The following DYM variants were observed in gnomAD, a reference collection of about 807,000 sequenced individuals.
The protein encoded by DYM is dymeclin, also known as dyggve-Melchior-Clausen syndrome protein.
DYM carries 78 observed loss-of-function variants against 93.1 expected under a neutral mutation model. The ratio of observed to expected loss-of-function variants is 0.84; its 90% confidence interval spans 0.70 to 1.01. The LOEUF (loss-of-function observed/expected upper bound fraction) is 1.01. Ranked by LOEUF, DYM falls within the 50% of genes least tolerant of loss-of-function variation. The pLI is 0.00. For synonymous variants in DYM, 321 were observed against 319.7 expected, an observed-to-expected ratio of 1.00 and a Z score of -0.04; for missense variants, 789 against 845.0, an observed-to-expected ratio of 0.93 and a Z score of 0.82.
At chr18:49,248,279 G>C (rs748896236) in intron 13 of DYM, among the ~76,000 whole-genome samples, 1 of 152,052 alleles carries the variant, frequency 6.6e-6, no homozygotes, top group African/African-American at 2.4e-5. Context: ...AAATCCATTG[G>C]GCAGGGAATC....
intron 14 of DYM, among the ~76,000 whole-genome samples, chr18:49,197,994 C>A (rs1226148539): frequency 6.6e-6 from 1 of 152,182 alleles, no homozygotes; most frequent in East Asian, 1.9e-4. Context: ...TACAAGGCTA[C>A]AGTAACCAAA....
At chr18:49,378,754 TTATTTC>T in intron 4 of DYM, 54 bp from the exon 5 acceptor site, 1 of 1,580,648 alleles carries the variant, frequency 6.3e-7, no homozygotes, top group Non-Finnish European at 8.7e-7. Flanking sequence ...GCACCATAGT[TTATTTC>T]TAGTTCATGA....
Position 49,038,204 on chromosome 18 carries a change from A to G in DYM, c.*5851T>C, listed in dbSNP as rs1401182160. 6.6e-6 allele frequency among the ~76,000 whole-genome samples: 1 copy of G among 152,168 alleles called. No homozygotes were observed. On this transcript the variant is annotated 3_prime_UTR_variant, in exon 18 of 18. Coordinates refer to ENST00000675505, the MANE Select transcript of DYM (RefSeq NM_001353214.3). The stretch of plus-strand genomic sequence containing the variant: ...AGTATGTTATTGAGTTTGGTGTCCT[A>G]CATACATCCGTTTGGTTTGCTCATT...
At chr18:49,200,979 T>C (rs761625292) in intron 14 of DYM, among the ~76,000 whole-genome samples, 1 of 152,192 alleles carries the variant, frequency 6.6e-6, no homozygotes, top group Non-Finnish European at 1.5e-5. Flanking sequence ...TTGCATTGTA[T>C]GGCTGGAAAA....
chr18:49,189,419 T>C (rs1195452268), intron 14 of DYM, among the ~76,000 whole-genome samples: 2 of 152,294 alleles, frequency 1.3e-5, no homozygotes, highest in East Asian at 3.9e-4. Context: ...AAATGGCATA[T>C]GGAGCACTGG....
intron 3 of DYM, among the ~76,000 whole-genome samples, chr18:49,381,291 C>A (rs2068023233): frequency 6.6e-6 from 1 of 152,070 alleles, no homozygotes; most frequent in African/African-American, 2.4e-5. Context: ...CAGGCCCATA[C>A]ATATATATTT....
Position 49,405,798 on chromosome 18 carries a change from C to G in DYM, c.141-14153G>C, listed in dbSNP as rs1156602495. On this transcript the variant is annotated intron_variant, in intron 2 of 17. Coordinates refer to ENST00000675505, the MANE Select transcript of DYM (RefSeq NM_001353214.3). ...TAGTTTCATAAGAATAGTATTGTAT[C>G]TGTAGATTGCTTCGGACAGTATGGC... Among the ~76,000 whole-genome samples the G allele has an allele frequency of 2.0e-5, 3 of 152,108 alleles. No individual in the cohort carries two copies. In the East Asian group the frequency reaches 5.8e-4, roughly 29 times the overall value.
intron 11 of DYM, among the ~76,000 whole-genome samples, chr18:49,263,244 G>C (rs1194622741): frequency 1.3e-5 from 2 of 151,430 alleles, no homozygotes; most frequent in Non-Finnish European, 2.9e-5. Flanking sequence ...TCGGCCTCCT[G>C]AGTAGCTGGG....
intron 6 of DYM, among the ~76,000 whole-genome samples, chr18:49,334,273 T>C (rs550258): frequency 0.58 from 87,712 of 152,018 alleles, 25,819 homozygotes; most frequent in Non-Finnish European, 0.64. Flanking sequence ...TGCCTTTTCA[T>C]GTTGATGATC....
intron 14 of DYM, among the ~76,000 whole-genome samples, chr18:49,167,087 T>A (rs1418037472): frequency 6.6e-6 from 1 of 151,592 alleles, no homozygotes; most frequent in African/African-American, 2.4e-5. Flanking sequence ...AGGTGATCTA[T>A]AGTAACTCTC....
intron 11 of DYM, among the ~76,000 whole-genome samples, chr18:49,263,724 G>C (rs1376478360): frequency 6.6e-6 from 1 of 151,742 alleles, no homozygotes; most frequent in African/African-American, 2.4e-5. Flanking sequence ...GTGAGATTCT[G>C]TCTCAAAAAA....
At chr18:49,350,310 T>TA (rs34929880) in intron 6 of DYM, among the ~76,000 whole-genome samples, 10 of 152,182 alleles carry the variant, frequency 6.6e-5, no homozygotes, top group South Asian at 2.1e-4. Flanking sequence ...TACATAGCTA[T>TA]AAAAAATCAA....
chr18:49,286,571 G>C lies in DYM; in HGVS notation c.809C>G (p.Ala270Gly). Residue 270 changes from alanine (A) to glycine (G), a missense_variant, in exon 9 of 18, where the codon GCG becomes GGG. This residue lies in a region of DYM where 450 missense variants were observed against 436.2 expected (regional missense o/e 1.03). Coordinates refer to ENST00000675505, the MANE Select transcript of DYM (RefSeq NM_001353214.3). Reference sequence around the variant, plus strand: ...GGAAGAAAGCTCTGGAGAGGCAGCCGCTTTGCTGCCCACACCACCTAGTGT... The same window carrying C: ...GGAAGAAAGCTCTGGAGAGGCAGCCCCTTTGCTGCCCACACCACCTAGTGT... ...VFTLGGVGSK[A>G]AASPELSSPL... is the part of the protein sequence containing the mutation. 1 of 1,614,030 alleles carries C rather than the reference G, an allele frequency of 6.2e-7. No individual in the cohort carries two copies.
intron 17 of DYM, among the ~76,000 whole-genome samples, chr18:49,051,675 ACTG>A (rs1180896778): frequency 6.6e-6 from 1 of 152,226 alleles, no homozygotes. Context: ...AAGGCTCCCA[ACTG>A]CTGAAAACAA....
intron 14 of DYM, among the ~76,000 whole-genome samples, chr18:49,187,968 GA>G (rs918353222): frequency 1.3e-5 from 2 of 152,062 alleles, no homozygotes; most frequent in Non-Finnish European, 2.9e-5. Context: ...CTCATCCTCT[GA>G]AAAAAACAAC....
intron 14 of DYM, among the ~76,000 whole-genome samples, chr18:49,187,010 C>A (rs960193874): frequency 1.3e-5 from 2 of 149,978 alleles, no homozygotes; most frequent in African/African-American, 4.9e-5. Context: ...AGCTCCGCTT[C>A]CTGGGTTCAC....
chr18:49,187,862 C>G (rs1177955859), intron 14 of DYM, among the ~76,000 whole-genome samples: 3 of 152,038 alleles, frequency 2.0e-5, no homozygotes, highest in Non-Finnish European at 4.4e-5. Flanking sequence ...CTTCTTTATG[C>G]TAAAAAACAC....
Position 49,317,644 on chromosome 18 carries a change from C to CT in DYM, c.763+14219dup, listed in dbSNP as rs1311404468. 1.4e-3 allele frequency among the ~76,000 whole-genome samples: 76 copies of CT among 56,194 alleles called. 1 individual carries two copies. The highest frequency in any genetic ancestry group is 2.5e-3 in the South Asian group (3 of 1,204). The allele number at this position is 56,194 out of a possible 152,430, so 36.9% of individuals were successfully genotyped here. A position where few individuals can be genotyped will look rare whatever the true frequency, so the allele number is the denominator to read the frequency against. ...CCCTCCCTCCCTCTCCTATCCTCTC[C>CT]TCTCCTTCCTTCCTTCCTTCCTTCC... On this transcript the variant is annotated intron_variant, in intron 8 of 17. Transcript: ENST00000675505.
intron 2 of DYM, among the ~76,000 whole-genome samples, chr18:49,423,074 A>G (rs1471000312): frequency 1.3e-5 from 2 of 152,228 alleles, no homozygotes; most frequent in Admixed American, 1.3e-4. Flanking sequence ...TCTCCACCCC[A>G]AATCAACAGA....
Sources: gnomAD v4.1 joint callset for allele counts (sites outside exome capture counted in the v4.1 genomes callset) on GRCh38, gnomAD v4.1.1 for gene constraint, gnomAD v4.1.1 regional missense constraint, MANE v1.5 for transcripts, NCBI Gene and HGNC (gene_info 2026-07-23, HGNC 2026-07-21) for gene names.